The following ANKRD36 variants were observed in gnomAD, a reference collection of about 807,000 sequenced individuals.
ANKRD36 encodes ankyrin repeat domain-containing protein 36A.
ANKRD36 carries 179 observed loss-of-function variants against 278.1 expected under a neutral mutation model. That is an observed-to-expected ratio of 0.64 (90% CI 0.57 to 0.73). The LOEUF is 0.73. Ranked by LOEUF, ANKRD36 falls within the 30% of genes least tolerant of loss-of-function variation. The probability of loss-of-function intolerance (pLI) is 0.00; values close to 1 mark genes in which losing one functional copy is unlikely to be tolerated. For synonymous variants in ANKRD36, 320 were observed against 641.1 expected (o/e 0.50, Z 7.57); for missense variants, 1,159 against 1,956.7 (o/e 0.59, Z 7.69).
At chr2:97,154,582 T>C in intron 14 of ANKRD36, 93 bp from the exon 15 acceptor site, 1 of 1,039,452 alleles carries the variant, frequency 9.6e-7, no homozygotes, top group Non-Finnish European at 1.4e-6. Context: ...TTACCATTTT[T>C]TTTGGAGGGG....
At chr2:97,137,549 G>A (rs2041839112) in intron 6 of ANKRD36, among the ~76,000 whole-genome samples, 1 of 151,368 alleles carries the variant, frequency 6.6e-6, no homozygotes, top group Non-Finnish European at 1.5e-5. Flanking sequence ...AGCCTTCTGA[G>A]TAGCTGAGAT....
At position 97,158,172 on chromosome 2, in the gene ANKRD36, G is replaced by A. The variant is rs918902643; in HGVS notation, c.1321+5G>A. ...CTCAACAATCTGCAGAAAATTGTAAGCTATTTGAAACCTGACTATTATATT... is the reference window on the plus strand; with the variant it reads ...CTCAACAATCTGCAGAAAATTGTAAACTATTTGAAACCTGACTATTATATT... On this transcript the variant is annotated splice_donor_5th_base_variant and intron_variant, in intron 16 of 75. Coordinates refer to ENST00000420699, the MANE Select transcript of ANKRD36 (RefSeq NM_001354587.1). 1.3e-6 allele frequency: 2 copies of A among 1,494,232 alleles called. No homozygotes were observed. Among genetic ancestry groups the A allele is most frequent in the African/African-American group, 2.8e-5 (2 of 71,922 alleles). 92.6% of individuals were successfully genotyped at this position (1,494,232 alleles called of 1,614,324 possible). A position where few individuals can be genotyped will look rare whatever the true frequency, so the allele number is the denominator to read the frequency against.
chr2:97,172,310 T>C (rs2052811520), intron 22 of ANKRD36, among the ~76,000 whole-genome samples: 1 of 151,906 alleles, frequency 6.6e-6, no homozygotes, highest in South Asian at 2.1e-4. Context: ...TCTATCCACA[T>C]TGACCCAGTG....
At chr2:97,212,085 G>A (rs1050635338) in intron 58 of ANKRD36, among the ~76,000 whole-genome samples, 4 of 151,862 alleles carry the variant, frequency 2.6e-5, no homozygotes, top group African/African-American at 9.7e-5. Flanking sequence ...AGATATTAGA[G>A]GCGTCAGATT....
intron 67 of ANKRD36, among the ~76,000 whole-genome samples, chr2:97,227,911 T>A (rs1476732977): frequency 1.3e-5 from 2 of 152,152 alleles, no homozygotes; most frequent in South Asian, 4.2e-4. Context: ...TTTTTGTCTT[T>A]GGTTCTGTTT....
intron 13 of ANKRD36, 109 bp downstream of exon 13, chr2:97,152,048 A>G (rs1460939734): frequency 3.2e-6 from 3 of 928,548 alleles, no homozygotes; most frequent in Non-Finnish European, 4.8e-6. Context: ...GCTGGAGTGC[A>G]GTGGTGCGAT....
chr2:97,217,039 C>T (rs1269756839), intron 62 of ANKRD36, 138 bp from the exon 63 acceptor site: 1 of 1,491,694 alleles, frequency 6.7e-7, no homozygotes, highest in Non-Finnish European at 9.1e-7. Flanking sequence ...GTTCCAATCC[C>T]CAGACACAAA....
intron 67 of ANKRD36, among the ~76,000 whole-genome samples, chr2:97,228,849 T>C (rs537488820): frequency 0.016 from 2,426 of 151,724 alleles, 32 homozygotes; most frequent in African/African-American, 0.055. Flanking sequence ...TTTGTTCTCA[T>C]TGGTTTCAAA....
At chr2:97,193,679 G>A (rs1320289327) in intron 38 of ANKRD36, among the ~76,000 whole-genome samples, 4 of 151,518 alleles carry the variant, frequency 2.6e-5, no homozygotes, top group Admixed American at 6.6e-5. Flanking sequence ...TGGTATAATT[G>A]GAATACACCA....
chr2:97,122,009 C>G (rs1353349081), intron 3 of ANKRD36, among the ~76,000 whole-genome samples: 2 of 141,858 alleles, frequency 1.4e-5, no homozygotes, highest in African/African-American at 5.0e-5. Context: ...CGAAGCCTAT[C>G]TCTATTAATT....
intron 58 of ANKRD36, chr2:97,212,929 AGTG>A: frequency 3.5e-6 from 1 of 283,506 alleles, no homozygotes; most frequent in Non-Finnish European, 6.6e-6. Flanking sequence ...AGAGACGTGA[AGTG>A]TACGTTCAAC....
rs1344716302 is a variant in ANKRD36, at chr2:97,124,503, G to A, written c.637G>A (p.Val213Ile). 1 of 1,552,058 alleles carries A rather than the reference G, an allele frequency of 6.4e-7. No homozygotes were observed. Among genetic ancestry groups the A allele is most frequent in the South Asian group, 1.2e-5 (1 of 83,992 alleles). ...HAVTLGEKDI[V>I]ILLLQHNIDV... ...TGTTACTCTTGGAGAAAAAGATATA[G>A]TCATTCTTCTTCTGCAGCACAATAT... The change falls in exon 5 of 76, where the codon GTC becomes ATC. Residue 213 changes from valine (V) to isoleucine (I), a missense_variant. Val to Ile is a conservative substitution (Grantham distance 29). Coordinates refer to ENST00000420699, the MANE Select transcript of ANKRD36 (RefSeq NM_001354587.1).
chr2:97,180,153 A>G lies in ANKRD36; in HGVS notation c.1735+220A>G, dbSNP rs1284199135. Reference sequence around the variant, plus strand: ...TAGACTTCCCTACATTGAAATTGGGAAGAAAAACCATTGGAGAGAAGTTCA... The same window carrying G: ...TAGACTTCCCTACATTGAAATTGGGGAGAAAAACCATTGGAGAGAAGTTCA... On this transcript the variant is annotated intron_variant, in intron 24 of 75. Coordinates refer to ENST00000420699, the MANE Select transcript of ANKRD36 (RefSeq NM_001354587.1). Among the ~76,000 whole-genome samples, 4 of 151,714 alleles carry G rather than the reference A, an allele frequency of 2.6e-5. No individual in the cohort carries two copies. The East Asian group carries it at 7.8e-4, about 30-fold the overall frequency.
At chr2:97,151,269 A>G (rs1479887503) in intron 12 of ANKRD36, among the ~76,000 whole-genome samples, 1 of 151,872 alleles carries the variant, frequency 6.6e-6, no homozygotes, top group East Asian at 2.0e-4. Flanking sequence ...TTTAGTAGCT[A>G]TGTGTGGCCT....
chr2:97,260,379 T>TATATATACAC (rs1315601255), intron 75 of ANKRD36, among the ~76,000 whole-genome samples: 27 of 121,242 alleles, frequency 2.2e-4, no homozygotes, highest in African/African-American at 8.7e-4. Context: ...TATATATATA[T>TATATATACAC]ACACACATAT....
At position 97,194,497 on chromosome 2, in the gene ANKRD36, T is replaced by C. The variant is rs200079700; in HGVS notation, c.2450-229T>C. 1.4e-4 allele frequency among the ~76,000 whole-genome samples: 21 copies of C among 151,702 alleles called. No homozygotes were observed. In the East Asian group the frequency reaches 2.0e-3, roughly 14 times the overall value. ...CGGTTTTATTTTAGCTTTCGACACA[T>C]AAAAAATCATACTGTGTTTGAAATT... On this transcript the variant is annotated intron_variant, in intron 38 of 75. Transcript: ENST00000420699.
At chr2:97,195,341 CT>C (rs2059473663) in intron 40 of ANKRD36, among the ~76,000 whole-genome samples, 1 of 151,950 alleles carries the variant, frequency 6.6e-6, no homozygotes, top group African/African-American at 2.4e-5. Flanking sequence ...GAGGAGACCC[CT>C]GATGTAGCAA....
intron 66 of ANKRD36, among the ~76,000 whole-genome samples, 187 bp downstream of exon 66, chr2:97,219,433 T>C (rs1165898396): frequency 1.3e-5 from 2 of 152,112 alleles, no homozygotes; most frequent in Non-Finnish European, 2.9e-5. Flanking sequence ...AAAGAAAATA[T>C]ATTTTTAAAA....
At chr2:97,260,326 A>G (rs1036102376) in intron 75 of ANKRD36, among the ~76,000 whole-genome samples, 10 of 121,820 alleles carry the variant, frequency 8.2e-5, no homozygotes, top group Non-Finnish European at 1.7e-4. Context: ...TGCATTGTCA[A>G]TGAGCAGTAA....
Sources: allele counts gnomAD v4.1 joint callset (sites outside exome capture counted in the v4.1 genomes callset), GRCh38; gene constraint gnomAD v4.1.1; transcripts MANE v1.5; gene names NCBI Gene and HGNC (gene_info 2026-07-23, HGNC 2026-07-21).